The following NMBR variants were observed in gnomAD, a reference collection of about 807,000 sequenced individuals.
NMBR encodes the protein neuromedin-B receptor.
Under a neutral mutation model 20.5 loss-of-function variants are expected in NMBR, and 16 were observed. The observed-to-expected ratio is 0.78, with a 90% CI of 0.53 to 1.19. The LOEUF (loss-of-function observed/expected upper bound fraction) is 1.19. Among genes scored for constraint, NMBR ranks in the 50% most tolerant of loss-of-function variants. The pLI is 0.00. For missense variants in NMBR, 582 were observed against 499.1 expected (o/e 1.17, Z -1.58); for synonymous variants, 212 against 196.6 (o/e 1.08, Z -0.65).
At chr6:142,102,654 A>T (rs1777586217) in intron 1 of NMBR, among the ~76,000 whole-genome samples, 1 of 152,174 alleles carries the variant, frequency 6.6e-6, no homozygotes, top group Admixed American at 6.5e-5. Flanking sequence ...GTAGGTTAAG[A>T]GGAGTGGAAC....
At chr6:142,097,404 G>T (rs1436080675) in intron 1 of NMBR, among the ~76,000 whole-genome samples, 2 of 151,870 alleles carry the variant, frequency 1.3e-5, no homozygotes, top group Admixed American at 1.3e-4. Context: ...CTACATCTCA[G>T]TAAACGCATC....
intron 1 of NMBR, among the ~76,000 whole-genome samples, chr6:142,102,399 A>AG (rs1278136267): frequency 1.3e-5 from 2 of 151,762 alleles, no homozygotes; most frequent in African/African-American, 2.4e-5. Flanking sequence ...CAAAAAAAAA[A>AG]AAAAAAAAAG....
intron 2 of NMBR, among the ~76,000 whole-genome samples, chr6:142,081,499 A>G (rs890076422): frequency 3.3e-5 from 5 of 152,198 alleles, no homozygotes; most frequent in East Asian, 3.8e-4. Context: ...ATAGACCCCA[A>G]TGATATTCTC....
At position 142,141,181 on chromosome 6, in the gene NMBR, T is replaced by C. The variant is rs148016333; in HGVS notation, c.-664+5863A>G. ...CCAAAAGAGATCATTTGCTGGCCCA[T>C]AAGAAAGTCTCAAGGATAGAAATCA... On this transcript the variant is annotated intron_variant, in intron 1 of 3. Coordinates refer to ENST00000258042, the MANE Select transcript of NMBR (RefSeq NM_002511.4). 2.4e-4 allele frequency among the ~76,000 whole-genome samples: 36 copies of C among 152,244 alleles called. No homozygotes were observed. The East Asian group carries it at 6.4e-3, about 27-fold the overall frequency.
At chr6:142,131,429 G>A (rs225604) in intron 1 of NMBR, among the ~76,000 whole-genome samples, 61,721 of 151,972 alleles carry the variant, frequency 0.41, 13,091 homozygotes, top group Middle Eastern at 0.57. Flanking sequence ...ATTAGCAAAC[G>A]TAAAGCAAGC....
chr6:142,111,354 A>T (rs1777760465), intron 1 of NMBR, among the ~76,000 whole-genome samples: 1 of 152,180 alleles, frequency 6.6e-6, no homozygotes, highest in Admixed American at 6.5e-5. Flanking sequence ...GGTCATTTAT[A>T]TTAGCAAGGG....
chr6:142,144,904 G>T (rs1778406564), intron 1 of NMBR, among the ~76,000 whole-genome samples: 1 of 151,426 alleles, frequency 6.6e-6, no homozygotes, highest in African/African-American at 2.4e-5. Flanking sequence ...TGTGCCTGTG[G>T]TCCCAGTTAC....
rs762521874 is a variant in NMBR, at chr6:142,075,967, A to G, written c.854T>C (p.Leu285Pro). Residue 285 changes from leucine (L) to proline (P), a missense_variant, in exon 4 of 4, where the codon CTT (leucine) becomes CCT (proline). Coordinates refer to ENST00000258042, the MANE Select transcript of NMBR (RefSeq NM_002511.4). ...FIFCWFPNHI[L>P]YMYRSFNYNE... ...ATAGTTGAAAGACCGATACATGTAA[A>G]GGATGTGGTTTGGAAACCAACAGAA... The G allele has an allele frequency of 6.2e-7, 1 of 1,613,828 alleles. No homozygotes were observed. Among genetic ancestry groups the G allele is most frequent in the Non-Finnish European group, 8.5e-7 (1 of 1,179,852 alleles).
At chr6:142,084,535 G>A (rs918044700) in intron 2 of NMBR, among the ~76,000 whole-genome samples, 3 of 151,882 alleles carry the variant, frequency 2.0e-5, no homozygotes, top group Non-Finnish European at 4.4e-5. Context: ...TTATAAATGC[G>A]TTTTGGTTAA....
chr6:142,133,478 T>G (rs1162161621), intron 1 of NMBR, among the ~76,000 whole-genome samples: 1 of 152,204 alleles, frequency 6.6e-6, no homozygotes, highest in African/African-American at 2.4e-5. Flanking sequence ...ATTTGGTTGT[T>G]AAGATAGTGT....
chr6:142,123,644 C>G (rs971627105), intron 1 of NMBR, among the ~76,000 whole-genome samples: 3 of 151,900 alleles, frequency 2.0e-5, no homozygotes, highest in Non-Finnish European at 4.4e-5. Flanking sequence ...AATCAGTCAG[C>G]AGCCATCTAC....
intron 1 of NMBR, among the ~76,000 whole-genome samples, chr6:142,143,502 A>C (rs1219952314): frequency 3.9e-5 from 6 of 152,162 alleles, no homozygotes; most frequent in Non-Finnish European, 7.4e-5. Context: ...CAGGCTGATC[A>C]CAAACTCCTG....
At chr6:142,114,721 T>A (rs954939621) in intron 1 of NMBR, among the ~76,000 whole-genome samples, 3 of 152,136 alleles carry the variant, frequency 2.0e-5, no homozygotes, top group Non-Finnish European at 4.4e-5. Context: ...GAAAAACAAG[T>A]GAGCCTTGAG....
At chr6:142,086,316 A>G (rs1210762826) in intron 2 of NMBR, among the ~76,000 whole-genome samples, 1 of 152,206 alleles carries the variant, frequency 6.6e-6, no homozygotes, top group Non-Finnish European at 1.5e-5. Context: ...ATTACACAAA[A>G]AAAGTTAGCA....
chr6:142,106,870 GTGA>G (rs1685911154), intron 1 of NMBR, among the ~76,000 whole-genome samples: 1 of 151,864 alleles, frequency 6.6e-6, no homozygotes, highest in Non-Finnish European at 1.5e-5. Context: ...GGTATGGCTT[GTGA>G]TGTAAATTTA....
At chr6:142,130,369 T>C (rs1227557205) in intron 1 of NMBR, among the ~76,000 whole-genome samples, 1 of 152,052 alleles carries the variant, frequency 6.6e-6, no homozygotes, top group Non-Finnish European at 1.5e-5. Flanking sequence ...GAAATGGTCT[T>C]AGGGTAAAAG....
intron 1 of NMBR, among the ~76,000 whole-genome samples, chr6:142,114,610 C>T (rs946008835): frequency 1.5e-4 from 23 of 152,040 alleles, no homozygotes; most frequent in African/African-American, 4.6e-4. Flanking sequence ...ATTTACATGA[C>T]GTATTGACTT....
At chr6:142,080,507 G>T (rs537993075) in intron 2 of NMBR, among the ~76,000 whole-genome samples, 7 of 151,856 alleles carry the variant, frequency 4.6e-5, no homozygotes, top group African/African-American at 1.7e-4. Flanking sequence ...AGGAGGTTTT[G>T]CCATGCTGCT....
intron 3 of NMBR, among the ~76,000 whole-genome samples, chr6:142,077,176 G>T (rs1263669335): frequency 2.6e-5 from 4 of 152,168 alleles, no homozygotes; most frequent in Non-Finnish European, 5.9e-5. Flanking sequence ...GTCTATACTT[G>T]GAGATTCAAG....
Sources: gnomAD v4.1 joint callset for allele counts (sites outside exome capture counted in the v4.1 genomes callset) on GRCh38, gnomAD v4.1.1 for gene constraint, MANE v1.5 for transcripts, NCBI Gene and HGNC (gene_info 2026-07-23, HGNC 2026-07-21) for gene names.